RAB9B: variants seen among roughly 807,000 people sequenced by gnomAD.
RAB9B encodes RAB9B, member RAS oncogene family.
A neutral mutation model predicts 8.9 loss-of-function variants in RAB9B; 1 was observed. That is an observed-to-expected ratio of 0.11 (90% CI 0.04 to 0.53). The LOEUF (loss-of-function observed/expected upper bound fraction) is 0.53, where lower values mean the gene tolerates loss of function less well. RAB9B is among the 20% of genes least tolerant of loss of function. The pLI is 0.93. For missense variants in RAB9B, 82 were observed against 152.9 expected, an observed-to-expected ratio of 0.54 and a Z score of 2.45; for synonymous variants, 63 against 57.0, an observed-to-expected ratio of 1.10 and a Z score of -0.47.
the RAB9B span, among the ~76,000 whole-genome samples, chrX:103,814,619 A>G: frequency 9.0e-6 from 1 of 111,669 alleles, no homozygotes; most frequent in Non-Finnish European, 1.9e-5. Flanking sequence ...GAGACACAAA[A>G]AACCCTTAAA....
the RAB9B span, among the ~76,000 whole-genome samples, chrX:103,777,736 G>T: frequency 0.012 from 1,370 of 112,214 alleles, 26 homozygotes; most frequent in African/African-American, 0.043. Context: ...GCTTTTCTAG[G>T]TTCCGTGAAC....
At chrX:103,800,695 A>G in the RAB9B span, among the ~76,000 whole-genome samples, 1 of 112,063 alleles carries the variant, frequency 8.9e-6, no homozygotes, top group Non-Finnish European at 1.9e-5. Flanking sequence ...ATTTTAATGT[A>G]TCTGCGTGAG....
chrX:103,790,332 C>T, the RAB9B span, among the ~76,000 whole-genome samples: 1 of 112,916 alleles, frequency 8.9e-6, no homozygotes, highest in Non-Finnish European at 1.9e-5. Flanking sequence ...CCCATGATGC[C>T]TCAGAGACAT....
the RAB9B span, among the ~76,000 whole-genome samples, chrX:103,800,238 A>G: frequency 9.2e-6 from 1 of 109,271 alleles, no homozygotes; most frequent in South Asian, 4.1e-4. Flanking sequence ...ACAGTCTAGT[A>G]TCAAAACTAG....
the RAB9B span, among the ~76,000 whole-genome samples, chrX:103,797,547 T>G: frequency 1.7e-4 from 12 of 72,200 alleles, no homozygotes; most frequent in Non-Finnish European, 2.6e-4. Context: ...TTGATAGAAC[T>G]GAGCCCTGAT....
At chrX:103,820,983 TACACAC>T (rs1191042577), downstream of RAB9B, among the ~76,000 whole-genome samples, 5 of 20,968 alleles carry the variant, frequency 2.4e-4, no homozygotes, top group South Asian at 4.9e-3. Context: ...CACACACACA[TACACAC>T]ACACACACAC....
chrX:103,791,345 C>T, the RAB9B span: 1 of 112,071 alleles, frequency 8.9e-6, no homozygotes, highest in Admixed American at 9.5e-5. Context: ...TCAGCATCTT[C>T]TCACTCCCTT....
chrX:103,778,741 G>A, the RAB9B span, among the ~76,000 whole-genome samples: 1 of 111,589 alleles, frequency 9.0e-6, no homozygotes, highest in African/African-American at 3.3e-5. Context: ...CAGCCACTGA[G>A]TTTTCATTTA....
chrX:103,808,480 A>G, the RAB9B span, among the ~76,000 whole-genome samples: 2 of 112,452 alleles, frequency 1.8e-5, no homozygotes, highest in Non-Finnish European at 3.8e-5. Context: ...ATCGTCTCCC[A>G]GAAGAGGCTG....
the RAB9B span, among the ~76,000 whole-genome samples, chrX:103,797,414 C>T: frequency 8.9e-6 from 1 of 112,264 alleles, no homozygotes; most frequent in Non-Finnish European, 1.9e-5. Context: ...ACAGTTTGGA[C>T]ACCAGAGACA....
intron 1 of RAB9B, among the ~76,000 whole-genome samples, chrX:103,827,347 T>A (rs182810015): frequency 1.5e-3 from 163 of 112,182 alleles, no homozygotes; most frequent in Non-Finnish European, 2.8e-3. Context: ...AATTGAATTC[T>A]CCATTCAAAG....
chrX:103,788,493 A>C, the RAB9B span: 4 of 1,206,089 alleles, frequency 3.3e-6, no homozygotes, highest in Non-Finnish European at 4.5e-6. Flanking sequence ...CCTTCTGTCC[A>C]TCTGCAAAAC....
chrX:103,779,654 G>A, the RAB9B span, among the ~76,000 whole-genome samples: 1 of 111,841 alleles, frequency 8.9e-6, no homozygotes, highest in Non-Finnish European at 1.9e-5. Flanking sequence ...CCTTGGGCTT[G>A]GCTCTGAGCT....
chrX:103,828,262 A>T (rs1014334736), intron 1 of RAB9B, among the ~76,000 whole-genome samples: 3 of 111,707 alleles, frequency 2.7e-5, no homozygotes, highest in African/African-American at 9.8e-5. Flanking sequence ...AATTTAAATA[A>T]TATCTCCTAA....
chrX:103,812,504 G>A, the RAB9B span, among the ~76,000 whole-genome samples: 1 of 111,833 alleles, frequency 8.9e-6, no homozygotes, highest in East Asian at 2.8e-4. Context: ...CACTTAGATT[G>A]TATCATTTAG....
At chrX:103,785,787 A>T in the RAB9B span, 88 of 1,163,563 alleles carry the variant, frequency 7.6e-5, no homozygotes, top group Non-Finnish European at 1.0e-4. Flanking sequence ...CTGCCCTCCC[A>T]CACAGACCCA....
the RAB9B span, chrX:103,789,136 G>A: frequency 2.1e-6 from 1 of 476,380 alleles, no homozygotes. Context: ...TGTGATCTGG[G>A]TGTTAATGGG....
the RAB9B span, chrX:103,789,039 A>G: frequency 5.3e-6 from 2 of 376,722 alleles, no homozygotes; most frequent in African/African-American, 2.5e-5. Flanking sequence ...TGACAGCAAA[A>G]TGTTGACTTT....
chrX:103,806,081 C>A, the RAB9B span, among the ~76,000 whole-genome samples: 2 of 110,825 alleles, frequency 1.8e-5, no homozygotes, highest in African/African-American at 6.6e-5. Flanking sequence ...GCTGGGATTA[C>A]AAGTGTGACT....
Sources: gnomAD v4.1 joint callset for allele counts (sites outside exome capture counted in the v4.1 genomes callset) on GRCh38, gnomAD v4.1.1 for gene constraint, MANE v1.5 for transcripts, NCBI Gene and HGNC (gene_info 2026-07-23, HGNC 2026-07-21) for gene names.